Variants in SIPA1L2 observed in about 807,000 individuals in gnomAD.
SIPA1L2 encodes the protein signal induced proliferation associated 1 like 2.
In SIPA1L2, 56 loss-of-function variants were observed where a neutral mutation model predicts 163.9. That is an observed-to-expected ratio of 0.34 (90% CI 0.28 to 0.43). The LOEUF (loss-of-function observed/expected upper bound fraction) is 0.43. SIPA1L2 is among the 20% of genes least tolerant of loss of function. The pLI is 1.00. For missense variants in SIPA1L2, 1,974 were observed against 2,193.5 expected (o/e 0.90, Z 2.00); for synonymous variants, 877 against 865.7 (o/e 1.01, Z -0.23).
Position 232,514,853 on chromosome 1 carries a change from C to T in SIPA1L2, c.487G>A (p.Asp163Asn). ...GCATCAATGTCACTGATAGTGACAT[C>T]ACTATTGCTCCTCTGTCTTATGGGG... The part of the protein sequence containing the change: ...LHPIRQRSNS[D>N]VTISDIDAED... The change falls in exon 3 of 23, where the codon GAT becomes AAT. Residue 163 changes from aspartate (D) to asparagine (N), a missense_variant. Asp to Asn is a conservative substitution (Grantham distance 23). Coordinates refer to ENST00000674635, the MANE Select transcript of SIPA1L2 (RefSeq NM_020808.5). 1 of 1,614,156 alleles carries T rather than the reference C, an allele frequency of 6.2e-7. No individual in the cohort carries two copies. The highest frequency in any genetic ancestry group is 8.5e-7 in the Non-Finnish European group (1 of 1,180,006).
chr1:232,569,355 G>A (rs565773787), intron 2 of SIPA1L2, among the ~76,000 whole-genome samples: 1 of 152,280 alleles, frequency 6.6e-6, no homozygotes, highest in Admixed American at 6.5e-5. Context: ...CAAGCACCAG[G>A]ACCCCTGACT....
chr1:232,619,637 G>A (rs1258719493), intron 1 of SIPA1L2, among the ~76,000 whole-genome samples: 2 of 152,216 alleles, frequency 1.3e-5, no homozygotes, highest in Non-Finnish European at 2.9e-5. Flanking sequence ...CGGGATGGAA[G>A]GGATGGAAGG....
chr1:232,450,382 C>T (rs1663500207), intron 10 of SIPA1L2, among the ~76,000 whole-genome samples: 1 of 152,210 alleles, frequency 6.6e-6, no homozygotes, highest in African/African-American at 2.4e-5. Context: ...ACTGATTCAT[C>T]CCCATAGCCA....
At chr1:232,472,597 T>C (rs12117917) in intron 7 of SIPA1L2, among the ~76,000 whole-genome samples, 36,316 of 152,154 alleles carry the variant, frequency 0.24, 4,536 homozygotes, top group Admixed American at 0.34. Flanking sequence ...AGGCATAGAT[T>C]TGTGCTCTCA....
At chr1:232,528,001 CTG>C (rs916892205) in intron 2 of SIPA1L2, among the ~76,000 whole-genome samples, 30 of 149,340 alleles carry the variant, frequency 2.0e-4, no homozygotes, top group African/African-American at 7.4e-4. Context: ...GATGCAGAAA[CTG>C]TGGTTATCAC....
intron 2 of SIPA1L2, among the ~76,000 whole-genome samples, chr1:232,547,857 G>A (rs3855981): frequency 0.57 from 86,021 of 151,840 alleles, 24,666 homozygotes; most frequent in East Asian, 0.66. Flanking sequence ...ATAAACATCT[G>A]GTAAAGATCC....
At chr1:232,544,162 C>T (rs557420357) in intron 2 of SIPA1L2, among the ~76,000 whole-genome samples, 2 of 151,744 alleles carry the variant, frequency 1.3e-5, no homozygotes, top group South Asian at 2.1e-4. Context: ...ACGGAATAAG[C>T]ATTGAAATGC....
chr1:232,480,040 C>T (rs761655047), intron 6 of SIPA1L2, among the ~76,000 whole-genome samples: 21 of 152,048 alleles, frequency 1.4e-4, no homozygotes, highest in Non-Finnish European at 2.8e-4. Context: ...GTGTTTTTGC[C>T]ACCAAGTGCA....
At chr1:232,441,738 G>A in intron 13 of SIPA1L2, 30 bp downstream of exon 13, 3 of 1,575,056 alleles carry the variant, frequency 1.9e-6, no homozygotes, top group Non-Finnish European at 2.6e-6. Flanking sequence ...GGGGAGCAAG[G>A]GAGGTCAATT....
chr1:232,475,082 A>C (rs563177131), intron 7 of SIPA1L2, among the ~76,000 whole-genome samples: 2 of 152,318 alleles, frequency 1.3e-5, no homozygotes, highest in Admixed American at 1.3e-4. Context: ...TTTAGAAAGA[A>C]GCAAATCCAT....
At chr1:232,408,287 T>TA (rs1660754752) in intron 19 of SIPA1L2, among the ~76,000 whole-genome samples, 3 of 120,306 alleles carry the variant, frequency 2.5e-5, no homozygotes, top group African/African-American at 9.5e-5. Flanking sequence ...TATGAAGGAC[T>TA]GTTTTTTTTT....
At chr1:232,445,007 T>C (rs188893382) in intron 11 of SIPA1L2, among the ~76,000 whole-genome samples, 1 of 152,376 alleles carries the variant, frequency 6.6e-6, no homozygotes, top group Non-Finnish European at 1.5e-5. Flanking sequence ...CCAATGGTAC[T>C]GGATTTAACT....
chr1:232,438,552 A>G (rs1662698700), intron 15 of SIPA1L2, among the ~76,000 whole-genome samples: 1 of 152,254 alleles, frequency 6.6e-6, no homozygotes, highest in Non-Finnish European at 1.5e-5. Context: ...TACAGTACTT[A>G]GAATCCAGTT....
intron 18 of SIPA1L2, among the ~76,000 whole-genome samples, chr1:232,416,049 C>T (rs12061671): frequency 0.12 from 8,538 of 72,750 alleles, 132 homozygotes; most frequent in Admixed American, 0.15. Context: ...AACACGGGCA[C>T]CACTGTCCCT....
chr1:232,543,536 T>C (rs963620460), intron 2 of SIPA1L2, among the ~76,000 whole-genome samples: 22 of 152,320 alleles, frequency 1.4e-4, no homozygotes, highest in African/African-American at 5.1e-4. Context: ...CATTTTCTTT[T>C]CTCTAGCTTA....
chr1:232,458,208 C>G (rs1191727910), intron 10 of SIPA1L2, among the ~76,000 whole-genome samples: 2 of 152,124 alleles, frequency 1.3e-5, no homozygotes, highest in Non-Finnish European at 2.9e-5. Flanking sequence ...AATGAGACTC[C>G]TAGGAGGCAA....
chr1:232,581,586 G>A (rs190272874), intron 1 of SIPA1L2, among the ~76,000 whole-genome samples: 45 of 152,222 alleles, frequency 3.0e-4, no homozygotes, highest in Admixed American at 2.6e-3. Context: ...GTTACTTTGA[G>A]TTTCTTTGAC....
intron 1 of SIPA1L2, among the ~76,000 whole-genome samples, chr1:232,603,889 G>A (rs971418199): frequency 6.6e-6 from 1 of 151,998 alleles, no homozygotes; most frequent in South Asian, 2.1e-4. Flanking sequence ...TATTTTTGAC[G>A]ACTAAGTAAA....
intron 2 of SIPA1L2, among the ~76,000 whole-genome samples, chr1:232,549,739 A>T (rs988174406): frequency 6.6e-6 from 1 of 152,180 alleles, no homozygotes; most frequent in African/African-American, 2.4e-5. Context: ...GAAACTGAAA[A>T]ATCTGCTGAT....
Sources: gnomAD v4.1 joint callset for allele counts (sites outside exome capture counted in the v4.1 genomes callset) on GRCh38, gnomAD v4.1.1 for gene constraint, MANE v1.5 for transcripts, NCBI Gene and HGNC (gene_info 2026-07-23, HGNC 2026-07-21) for gene names.